Variants in MPP7 observed in about 807,000 individuals in gnomAD.
The protein encoded by MPP7 is MAGUK p55 subfamily member 7.
In MPP7, 60 loss-of-function variants were observed where a neutral mutation model predicts 76.5. The observed-to-expected ratio is 0.78, with a 90% confidence interval of 0.64 to 0.97. MPP7 has a LOEUF of 0.97. MPP7 is among the 50% of genes least tolerant of loss of function. The pLI, the probability that MPP7 is intolerant of heterozygous loss-of-function variation, is 0.00. For synonymous variants in MPP7, 237 were observed against 244.5 expected, an observed-to-expected ratio of 0.97 and a Z score of 0.29; for missense variants, 641 against 694.0, an observed-to-expected ratio of 0.92 and a Z score of 0.86.
At chr10:28,077,771 T>C (rs1263922011) in intron 12 of MPP7, among the ~76,000 whole-genome samples, 1 of 152,200 alleles carries the variant, frequency 6.6e-6, no homozygotes, top group Non-Finnish European at 1.5e-5. Flanking sequence ...GATTACTCTG[T>C]AGTTCGTTTT....
At chr10:28,071,519 C>T (rs1852239105) in intron 12 of MPP7, among the ~76,000 whole-genome samples, 1 of 152,160 alleles carries the variant, frequency 6.6e-6, no homozygotes, top group Admixed American at 6.5e-5. Context: ...TCAATTCTCC[C>T]TCTTATAATA....
chr10:28,141,751 G>A (rs1835526851), intron 5 of MPP7, among the ~76,000 whole-genome samples: 1 of 151,858 alleles, frequency 6.6e-6, no homozygotes, highest in African/African-American at 2.4e-5. Context: ...AAATTTAATT[G>A]CATCCCAATG....
intron 2 of MPP7, among the ~76,000 whole-genome samples, chr10:28,234,789 TTTG>T (rs776663478): frequency 5.4e-5 from 8 of 147,404 alleles, no homozygotes; most frequent in Non-Finnish European, 1.1e-4. Flanking sequence ...TCTTTTGGAT[TTTG>T]TTGTTTTTTG....
At chr10:28,223,853 A>G (rs1390117977) in intron 2 of MPP7, among the ~76,000 whole-genome samples, 1 of 150,870 alleles carries the variant, frequency 6.6e-6, no homozygotes, top group African/African-American at 2.4e-5. Context: ...TGCTCACTCT[A>G]TTAATGTCAT....
chr10:28,055,195 G>T (rs1851509605), intron 16 of MPP7, among the ~76,000 whole-genome samples: 1 of 152,218 alleles, frequency 6.6e-6, no homozygotes, highest in Admixed American at 6.5e-5. Context: ...GAAATAATTT[G>T]AGTCTGCATT....
At chr10:28,120,786 ATAGAC>A in intron 8 of MPP7, 118 bp from the exon 9 acceptor site, 2 of 693,948 alleles carry the variant, frequency 2.9e-6, no homozygotes, top group East Asian at 2.8e-5. Flanking sequence ...CTACTCTTAG[ATAGAC>A]TAAACGGAGG....
At chr10:28,310,271 G>C (rs1425064483) in intron 2 of MPP7, among the ~76,000 whole-genome samples, 1 of 152,070 alleles carries the variant, frequency 6.6e-6, no homozygotes, top group Non-Finnish European at 1.5e-5. Flanking sequence ...CAAAGTGCTG[G>C]GATTACAGGT....
intron 3 of MPP7, among the ~76,000 whole-genome samples, chr10:28,176,058 A>T (rs184172141): frequency 6.6e-6 from 1 of 152,308 alleles, no homozygotes; most frequent in East Asian, 1.9e-4. Context: ...GTTTTAAAAA[A>T]GTATATAGTA....
At position 28,111,040 on chromosome 10, in the gene MPP7, TTTAA is replaced by T. The variant is rs373981573; in HGVS notation, c.952+8607_952+8610del. Among the ~76,000 whole-genome samples the T allele has an allele frequency of 3.3e-3, 508 of 152,308 alleles. 1 individual carries two copies. The highest frequency in any genetic ancestry group is 0.01 in the African/African-American group (427 of 41,580). On this transcript the variant is annotated intron_variant, in intron 11 of 16. Transcript: ENST00000683449. ...TTTGTAAGTTGATTGTTATATTCAATTTAATCCTACATATATGTGCACTAAATAA... is the reference window on the plus strand; with the variant it reads ...TTTGTAAGTTGATTGTTATATTCAATTCCTACATATATGTGCACTAAATAA...
intron 12 of MPP7, among the ~76,000 whole-genome samples, chr10:28,079,418 T>C (rs1031507649): frequency 7.9e-5 from 12 of 151,662 alleles, no homozygotes; most frequent in African/African-American, 2.9e-4. Context: ...CTTGGGAGGC[T>C]GAGACAGGAA....
At chr10:28,275,708 C>CCAAAGCT (rs1840473735) in intron 1 of MPP7, among the ~76,000 whole-genome samples, 4 of 151,694 alleles carry the variant, frequency 2.6e-5, no homozygotes, top group African/African-American at 9.7e-5. Context: ...TGCCCAACCC[C>CCAAAGCT]TTCCTAATAT....
intron 11 of MPP7, among the ~76,000 whole-genome samples, chr10:28,116,630 A>T (rs560264409): frequency 8.3e-4 from 126 of 152,240 alleles, no homozygotes; most frequent in African/African-American, 2.7e-3. Flanking sequence ...TCCATTACAA[A>T]TATCTTTGTT....
intron 8 of MPP7, among the ~76,000 whole-genome samples, chr10:28,122,318 A>G (rs900196030): frequency 2.6e-5 from 4 of 152,210 alleles, no homozygotes; most frequent in African/African-American, 9.6e-5. Context: ...ATTGCCTCAC[A>G]ATAATCTAGC....
At chr10:28,137,879 A>C (rs1835396481) in intron 5 of MPP7, among the ~76,000 whole-genome samples, 1 of 152,202 alleles carries the variant, frequency 6.6e-6, no homozygotes, top group Non-Finnish European at 1.5e-5. Flanking sequence ...CACTCACTGC[A>C]CTGGAACCCC....
chr10:28,193,586 A>C (rs1457321365), intron 3 of MPP7, among the ~76,000 whole-genome samples: 1 of 152,182 alleles, frequency 6.6e-6, no homozygotes, highest in Non-Finnish European at 1.5e-5. Flanking sequence ...ACTTTAGTAA[A>C]ATGTGGAACT....
At chr10:28,118,193 C>A (rs1834718153) in intron 11 of MPP7, 4 of 985,016 alleles carry the variant, frequency 4.1e-6, no homozygotes, top group Middle Eastern at 5.2e-4. Flanking sequence ...AACACACATA[C>A]CCCCACACAC....
At chr10:28,300,782 T>C (rs1005841179) in intron 1 of MPP7, among the ~76,000 whole-genome samples, 2 of 148,932 alleles carry the variant, frequency 1.3e-5, no homozygotes, top group African/African-American at 5.0e-5. Context: ...TGAAACCCCA[T>C]CTCTACAAAA....
At chr10:28,287,328 G>A (rs1840812040) in intron 1 of MPP7, among the ~76,000 whole-genome samples, 1 of 152,128 alleles carries the variant, frequency 6.6e-6, no homozygotes. Context: ...CTCATGTTAA[G>A]TGTTTTTAAT....
rs117427893 is a variant in MPP7, at chr10:28,157,945, C to A, written c.157-7886G>T. On this transcript the variant is annotated intron_variant, in intron 3 of 16. Coordinates refer to ENST00000683449, the MANE Select transcript of MPP7 (RefSeq NM_001318170.2). ...GATTTATCATATTTATCTGTTTACA[C>A]CCCCATCGGTAAGGAAATTCATAGA... 3.9e-5 allele frequency among the ~76,000 whole-genome samples: 6 copies of A among 152,178 alleles called. No homozygotes were observed. The South Asian group carries it at 1.2e-3, about 32-fold the overall frequency.
Sources: allele counts gnomAD v4.1 joint callset (sites outside exome capture counted in the v4.1 genomes callset), GRCh38; gene constraint gnomAD v4.1.1; transcripts MANE v1.5; gene names NCBI Gene and HGNC (gene_info 2026-07-23, HGNC 2026-07-21).